PBX3: variants seen among roughly 807,000 people sequenced by gnomAD.
PBX3 encodes the protein PBX homeobox 3, also known as pre-B-cell leukemia transcription factor 3.
PBX3 carries 14 observed loss-of-function variants against 48.5 expected under a neutral mutation model. The observed-to-expected ratio is 0.29, with a 90% CI of 0.19 to 0.45. The LOEUF is 0.45. PBX3 is among the 20% of genes least tolerant of loss of function. The probability of loss-of-function intolerance (pLI) is 1.00; values close to 1 mark genes in which losing one functional copy is unlikely to be tolerated. For missense variants in PBX3, 386 were observed against 546.7 expected (o/e 0.71, Z 2.93); for synonymous variants, 210 against 200.3 (o/e 1.05, Z -0.41).
At chr9:125,754,776 A>G (rs1836466824) in intron 2 of PBX3, among the ~76,000 whole-genome samples, 1 of 152,078 alleles carries the variant, frequency 6.6e-6, no homozygotes, top group African/African-American at 2.4e-5. Flanking sequence ...GTGTATATCT[A>G]GCAAAAAAAT....
intron 2 of PBX3, among the ~76,000 whole-genome samples, chr9:125,793,255 G>A (rs1323102860): frequency 6.7e-6 from 1 of 150,250 alleles, no homozygotes; most frequent in African/African-American, 2.4e-5. Flanking sequence ...GGGATGCTGA[G>A]GCGGGAGAAT....
chr9:125,897,376 A>G (rs920047782), intron 2 of PBX3, among the ~76,000 whole-genome samples: 7 of 151,852 alleles, frequency 4.6e-5, no homozygotes, highest in East Asian at 1.9e-4. Context: ...ATGCCATCCA[A>G]TCAAACTGAA....
intron 2 of PBX3, among the ~76,000 whole-genome samples, chr9:125,778,551 C>T (rs1298699911): frequency 6.6e-6 from 1 of 151,920 alleles, no homozygotes; most frequent in Non-Finnish European, 1.5e-5. Context: ...GCCACTGCGC[C>T]CGGCCTTTTT....
intron 5 of PBX3, among the ~76,000 whole-genome samples, chr9:125,956,752 A>G (rs1414711273): frequency 6.6e-6 from 1 of 152,220 alleles, no homozygotes; most frequent in Non-Finnish European, 1.5e-5. Flanking sequence ...AATCCTTGAT[A>G]TGCGGCTCAA....
intron 2 of PBX3, among the ~76,000 whole-genome samples, chr9:125,814,158 ATC>A (rs1240616027): frequency 7.7e-6 from 1 of 130,148 alleles, no homozygotes; most frequent in African/African-American, 3.3e-5. Flanking sequence ...GTGAGACTCC[ATC>A]TCAAAAAAAA....
intron 3 of PBX3, among the ~76,000 whole-genome samples, chr9:125,919,731 A>G (rs1283274340): frequency 6.6e-6 from 1 of 152,234 alleles, no homozygotes; most frequent in Non-Finnish European, 1.5e-5. Context: ...ATGAAAGTGT[A>G]TCTGAAGACT....
intron 2 of PBX3, among the ~76,000 whole-genome samples, chr9:125,862,972 G>A (rs1295374057): frequency 6.6e-6 from 1 of 152,062 alleles, no homozygotes; most frequent in African/African-American, 2.4e-5. Flanking sequence ...TTGGCTCACT[G>A]CTGCAACCTC....
chr9:125,823,616 A>G (rs1356833769), intron 2 of PBX3, among the ~76,000 whole-genome samples: 1 of 152,100 alleles, frequency 6.6e-6, no homozygotes, highest in Non-Finnish European at 1.5e-5. Context: ...TGTGTTAGCT[A>G]CTTTGGATCA....
At chr9:125,753,055 A>G (rs933927456) in intron 2 of PBX3, among the ~76,000 whole-genome samples, 33 of 152,302 alleles carry the variant, frequency 2.2e-4, no homozygotes, top group African/African-American at 7.9e-4. Context: ...GCAATTAGCA[A>G]TACTTGGCCA....
intron 2 of PBX3, among the ~76,000 whole-genome samples, chr9:125,754,698 A>C (rs1165623589): frequency 6.6e-6 from 1 of 152,058 alleles, no homozygotes; most frequent in African/African-American, 2.4e-5. Context: ...TTTTTCATAG[A>C]TATATTCCAT....
At chr9:125,789,252 A>G (rs1175391368) in intron 2 of PBX3, among the ~76,000 whole-genome samples, 1 of 152,234 alleles carries the variant, frequency 6.6e-6, no homozygotes, top group African/African-American at 2.4e-5. Flanking sequence ...TAGCCCTAAA[A>G]TTTAGTGACT....
intron 2 of PBX3, among the ~76,000 whole-genome samples, chr9:125,888,842 G>T (rs747127708): frequency 1.3e-5 from 2 of 152,066 alleles, no homozygotes; most frequent in Non-Finnish European, 2.9e-5. Context: ...TGCTAATTTA[G>T]GTCAGGCTGC....
Position 125,802,368 on chromosome 9 carries a change from T to A in PBX3, c.274+53745T>A, listed in dbSNP as rs1471761202. Among the ~76,000 whole-genome samples, 1,230 of 142,736 alleles carry A rather than the reference T, an allele frequency of 8.6e-3. 29 individuals carry two copies. The highest frequency in any genetic ancestry group is 0.03 in the African/African-American group (1,152 of 38,270). The allele number at this position is 142,736 out of a possible 152,430, so 93.6% of individuals were successfully genotyped here. Reference sequence around the variant, plus strand: ...GTGAGAACATTAGTGCATTTTTTTTTTTTTTTTTTTTTTTTTAAAGACAGG... The same window carrying A: ...GTGAGAACATTAGTGCATTTTTTTTATTTTTTTTTTTTTTTTAAAGACAGG... On this transcript the variant is annotated intron_variant, in intron 2 of 8. Transcript: ENST00000373489.
chr9:125,784,246 A>G, intron 2 of PBX3, among the ~76,000 whole-genome samples: 1 of 152,116 alleles, frequency 6.6e-6, no homozygotes, highest in South Asian at 2.1e-4. Context: ...CTTGTGCTTC[A>G]GCCTCCCGAG....
chr9:125,823,646 G>A (rs980214725), intron 2 of PBX3, among the ~76,000 whole-genome samples: 3 of 151,772 alleles, frequency 2.0e-5, no homozygotes, highest in Non-Finnish European at 2.9e-5. Context: ...TTTAAAAAAA[G>A]AAAGAAAGAA....
chr9:125,915,652 T>C, intron 2 of PBX3, 34 bp from the exon 3 acceptor site: 4 of 1,545,884 alleles, frequency 2.6e-6, no homozygotes, highest in Non-Finnish European at 3.5e-6. Context: ...TTCTCGCTTC[T>C]TCTCTCTCTG....
At chr9:125,757,333 C>T (rs1292179570) in intron 2 of PBX3, among the ~76,000 whole-genome samples, 3 of 151,316 alleles carry the variant, frequency 2.0e-5, no homozygotes, top group Non-Finnish European at 4.4e-5. Context: ...TCAGATATAT[C>T]ATTTTCAACT....
intron 2 of PBX3, among the ~76,000 whole-genome samples, chr9:125,860,047 C>G (rs1839822360): frequency 6.6e-6 from 1 of 152,192 alleles, no homozygotes; most frequent in Non-Finnish European, 1.5e-5. Context: ...GCCACTGTAA[C>G]AAACAACCTC....
chr9:125,850,426 T>C (rs771892936), intron 2 of PBX3, among the ~76,000 whole-genome samples: 4 of 152,082 alleles, frequency 2.6e-5, no homozygotes, highest in Non-Finnish European at 5.9e-5. Context: ...TTGAGCAAAA[T>C]GCTGACTTGT....
Sources: gnomAD v4.1 joint callset for allele counts (sites outside exome capture counted in the v4.1 genomes callset) on GRCh38, gnomAD v4.1.1 for gene constraint, MANE v1.5 for transcripts, NCBI Gene and HGNC (gene_info 2026-07-23, HGNC 2026-07-21) for gene names.